The following HMGB1 variants were observed in gnomAD, a reference collection of about 807,000 sequenced individuals.
The protein encoded by HMGB1 is high mobility group protein B1.
For synonymous variants in HMGB1, 81 were observed against 84.0 expected (o/e 0.96, Z 0.19); for missense variants, 79 against 253.5 (o/e 0.31, Z 4.67).
intron 1 of HMGB1, among the ~76,000 whole-genome samples, chr13:30,581,480 T>C (rs1019901786): frequency 6.6e-6 from 1 of 152,250 alleles, no homozygotes; most frequent in Non-Finnish European, 1.5e-5. Flanking sequence ...GCTTTTGCGC[T>C]ACAGCAGCAG....
chr13:30,590,867 C>T (rs1871338486), intron 1 of HMGB1, among the ~76,000 whole-genome samples: 2 of 152,128 alleles, frequency 1.3e-5, no homozygotes, highest in South Asian at 4.1e-4. Context: ...ACTGAATCTG[C>T]CACATCTTGA....
At chr13:30,613,688 A>C (rs1448788087) in intron 1 of HMGB1, among the ~76,000 whole-genome samples, 1 of 152,214 alleles carries the variant, frequency 6.6e-6, no homozygotes, top group African/African-American at 2.4e-5. Context: ...AAAAACAGCC[A>C]TTCAGGTGAT....
intron 1 of HMGB1, among the ~76,000 whole-genome samples, chr13:30,601,978 A>G (rs1950407226): frequency 6.6e-6 from 1 of 152,012 alleles, no homozygotes. Flanking sequence ...TGTTAAGAAA[A>G]ACTCTGGGGA....
intron 1 of HMGB1, among the ~76,000 whole-genome samples, chr13:30,491,574 G>C (rs2137441789): frequency 1.3e-5 from 2 of 150,578 alleles, no homozygotes; most frequent in Admixed American, 1.3e-4. Flanking sequence ...GAGGTGGGAG[G>C]ATCACCTAAG....
chr13:30,461,555 A>G (rs1420535949), intron 4 of HMGB1, 22 bp from the exon 5 acceptor site: 1 of 1,575,832 alleles, frequency 6.3e-7, no homozygotes, highest in East Asian at 2.3e-5. Flanking sequence ...AAGGGAGGAT[A>G]AAACAGTAGG....
chr13:30,479,483 G>C (rs958647503), intron 1 of HMGB1, among the ~76,000 whole-genome samples: 14 of 152,132 alleles, frequency 9.2e-5, no homozygotes, highest in African/African-American at 3.1e-4. Context: ...AGTTGTTTTT[G>C]ACTCCCCTTT....
chr13:30,483,378 C>T (rs1022516361), intron 1 of HMGB1, among the ~76,000 whole-genome samples: 2 of 152,038 alleles, frequency 1.3e-5, no homozygotes, highest in Admixed American at 1.3e-4. Flanking sequence ...CTCCCCGCAA[C>T]CAGCAAACCC....
chr13:30,531,445 G>A (rs1031734141), intron 1 of HMGB1, among the ~76,000 whole-genome samples: 8 of 151,560 alleles, frequency 5.3e-5, no homozygotes, highest in African/African-American at 1.7e-4. Context: ...GCGCACCCAC[G>A]CTGGAAGTGG....
chr13:30,595,940 T>C (rs578078445), intron 1 of HMGB1, among the ~76,000 whole-genome samples: 2 of 152,168 alleles, frequency 1.3e-5, no homozygotes, highest in African/African-American at 4.8e-5. Context: ...TACAAGTTAA[T>C]CCTATTTAGT....
rs114040765 is a variant in HMGB1 at position 30,480,780 on chromosome 13, T to C, written c.-14-17086A>G. Among the ~76,000 whole-genome samples, 479 of 151,914 alleles carry C rather than the reference T, an allele frequency of 3.2e-3. 5 individuals are homozygous for C. The highest frequency in any genetic ancestry group is 0.011 in the African/African-American group (456 of 41,422). On this transcript the variant is annotated intron_variant, in intron 1 of 4. Transcript: ENST00000405805. The stretch of plus-strand genomic sequence containing the variant: ...GTCTCCTCCCCTCCCCGCCCTTCTC[T>C]CTCATGCTTGGCAAACACAGTGCCT...
At chr13:30,611,214 G>A (rs916246052) in intron 1 of HMGB1, among the ~76,000 whole-genome samples, 4 of 151,900 alleles carry the variant, frequency 2.6e-5, no homozygotes, top group African/African-American at 7.3e-5. Flanking sequence ...TTTTTGAGAC[G>A]CAGTCTCGCT....
chr13:30,592,366 A>G (rs890944611), intron 1 of HMGB1, among the ~76,000 whole-genome samples: 1 of 152,148 alleles, frequency 6.6e-6, no homozygotes, highest in African/African-American at 2.4e-5. Flanking sequence ...CTTTATTCTT[A>G]TATTGAAAAT....
intron 1 of HMGB1, among the ~76,000 whole-genome samples, chr13:30,473,242 T>C (rs575756122): frequency 4.6e-4 from 70 of 152,310 alleles, no homozygotes; most frequent in African/African-American, 1.5e-3. Flanking sequence ...GTGGGCAGCA[T>C]TGATGATAGC....
intron 1 of HMGB1, among the ~76,000 whole-genome samples, chr13:30,602,646 T>C (rs1395647481): frequency 1.3e-5 from 2 of 152,230 alleles, no homozygotes; most frequent in Admixed American, 6.5e-5. Context: ...CAGCTGGCTT[T>C]ATTATCTGTT....
At chr13:30,461,733 A>G (rs1290654115) in intron 4 of HMGB1, 200 bp from the exon 5 acceptor site, 24 of 1,383,092 alleles carry the variant, frequency 1.7e-5, no homozygotes, top group Middle Eastern at 1.8e-4. Context: ...ATAACAATCT[A>G]TAACTCATGA....
chr13:30,532,257 C>A (rs1168118847), intron 1 of HMGB1, among the ~76,000 whole-genome samples: 1 of 150,694 alleles, frequency 6.6e-6, no homozygotes, highest in African/African-American at 2.4e-5. Flanking sequence ...ATCGCTTGAA[C>A]CCGGGAGGCG....
At position 30,461,311 on chromosome 13, in the gene HMGB1, T is replaced by C. The variant is rs1886311704; in HGVS notation, c.*46A>G. On this transcript the variant is annotated 3_prime_UTR_variant, in exon 5 of 5. Transcript: ENST00000341423. ...AAGGAGTGAGTTGTGTACAGGGGGGTTAAATGCTTTATAGACAAGAAAAAA... is the reference window on the plus strand; with the variant it reads ...AAGGAGTGAGTTGTGTACAGGGGGGCTAAATGCTTTATAGACAAGAAAAAA... 1 of 1,519,878 alleles carries C rather than the reference T, an allele frequency of 6.6e-7. No homozygotes were observed. The highest frequency in any genetic ancestry group is 2.2e-5 in the Admixed American group (1 of 44,540). The allele number at this position is 1,519,878 out of a possible 1,614,324, so 94.1% of individuals were successfully genotyped here. A position where few individuals can be genotyped will look rare whatever the true frequency, so the allele number is the denominator to read the frequency against.
intron 1 of HMGB1, among the ~76,000 whole-genome samples, chr13:30,548,092 T>TA (rs1288678506): frequency 6.6e-6 from 1 of 152,206 alleles, no homozygotes. Context: ...AAGCACCTGA[T>TA]AGAGTTTGGC....
intron 1 of HMGB1, among the ~76,000 whole-genome samples, chr13:30,598,500 C>T (rs1391024979): frequency 6.6e-6 from 1 of 152,162 alleles, no homozygotes; most frequent in African/African-American, 2.4e-5. Context: ...CTTCAACTGG[C>T]CTCCTCATTT....
Sources: gnomAD v4.1 joint callset for allele counts (sites outside exome capture counted in the v4.1 genomes callset) on GRCh38, gnomAD v4.1.1 for gene constraint, MANE v1.5 for transcripts, NCBI Gene and HGNC (gene_info 2026-07-23, HGNC 2026-07-21) for gene names.